The following GPHN variants were observed in gnomAD, a reference collection of about 807,000 sequenced individuals.
The protein encoded by GPHN is gephyrin.
In GPHN, 17 loss-of-function variants were observed where a neutral mutation model predicts 95.5. The ratio of observed to expected loss-of-function variants is 0.18; its 90% CI spans 0.12 to 0.27. The LOEUF (loss-of-function observed/expected upper bound fraction) is 0.27, where lower values mean the gene tolerates loss of function less well. Ranked by LOEUF, GPHN falls within the 10% of genes least tolerant of loss-of-function variation. GPHN has a pLI of 1.00. For synonymous variants in GPHN, 320 were observed against 322.5 expected, an observed-to-expected ratio of 0.99 and a Z score of 0.08; for missense variants, 660 against 978.1, an observed-to-expected ratio of 0.67 and a Z score of 4.34.
intron 1 of GPHN, among the ~76,000 whole-genome samples, chr14:66,569,064 T>C (rs2060570941): frequency 6.6e-6 from 1 of 152,158 alleles, no homozygotes; most frequent in African/African-American, 2.4e-5. Context: ...GTATATATTT[T>C]TATATTTGTG....
intron 12 of GPHN, among the ~76,000 whole-genome samples, chr14:67,095,808 T>G (rs28505098): frequency 4.0e-5 from 6 of 151,776 alleles, no homozygotes; most frequent in African/African-American, 1.2e-4. Flanking sequence ...AGGGATAGCA[T>G]TAGGAGATAT....
At chr14:67,391,358 G>A in the GPHN span, among the ~76,000 whole-genome samples, 1 of 150,070 alleles carries the variant, frequency 6.7e-6, no homozygotes, top group Admixed American at 6.6e-5. Flanking sequence ...ACAAACCTTA[G>A]CCCTCCTAGT....
chr14:67,283,958 G>T, the GPHN span, among the ~76,000 whole-genome samples: 7 of 152,274 alleles, frequency 4.6e-5, no homozygotes, highest in East Asian at 1.3e-3. Context: ...GGAAAGTAGG[G>T]ATAATAGAGT....
the GPHN span, among the ~76,000 whole-genome samples, chr14:67,246,562 A>C: frequency 6.6e-6 from 1 of 151,552 alleles, no homozygotes. Flanking sequence ...GCTGGTCTTG[A>C]GCAGCTGAGC....
the GPHN span, among the ~76,000 whole-genome samples, chr14:67,391,202 A>G: frequency 6.6e-6 from 1 of 152,052 alleles, no homozygotes. Flanking sequence ...CCACTTTCAC[A>G]TTGTGCATTA....
At chr14:67,445,574 A>ATTTTTTTTTT in the GPHN span, among the ~76,000 whole-genome samples, 3 of 98,670 alleles carry the variant, frequency 3.0e-5, no homozygotes, top group South Asian at 3.4e-4. Context: ...AAGAGAGGCA[A>ATTTTTTTTTT]TTCTTTTTTT....
At chr14:66,639,121 A>T (rs371376555) in intron 1 of GPHN, among the ~76,000 whole-genome samples, 1 of 146,060 alleles carries the variant, frequency 6.8e-6, no homozygotes, top group African/African-American at 2.6e-5. Context: ...ACTGAAGGTA[A>T]ATATATATAT....
At chr14:66,595,791 CCTT>C (rs137970444) in intron 1 of GPHN, among the ~76,000 whole-genome samples, 46,992 of 151,796 alleles carry the variant, frequency 0.31, 11,067 homozygotes, top group African/African-American at 0.63. Flanking sequence ...GCTCTTCTCT[CCTT>C]CTTGTCACCT....
the GPHN span, chr14:67,390,676 T>C: frequency 1.9e-6 from 3 of 1,612,116 alleles, no homozygotes; most frequent in Admixed American, 5.0e-5. Flanking sequence ...GGAAGGGTCA[T>C]AGTAATGCAG....
chr14:67,359,683 G>A, the GPHN span: 3 of 1,614,112 alleles, frequency 1.9e-6, no homozygotes, highest in Non-Finnish European at 2.5e-6. Flanking sequence ...ATTTCAATTC[G>A]GTCTTTGCCC....
At chr14:67,316,872 C>T in the GPHN span, 1 of 1,611,734 alleles carries the variant, frequency 6.2e-7, no homozygotes, top group Non-Finnish European at 8.5e-7. Flanking sequence ...TGAAACAAAC[C>T]ATAGAAGAAG....
At chr14:67,642,316 A>T in the GPHN span, 57 of 1,614,110 alleles carry the variant, frequency 3.5e-5, no homozygotes, top group Admixed American at 1.0e-4. Flanking sequence ...TGGTTAGCAG[A>T]GCTGTGTCAG....
chr14:67,245,202 A>G, the GPHN span, among the ~76,000 whole-genome samples: 60 of 152,256 alleles, frequency 3.9e-4, no homozygotes, highest in Non-Finnish European at 6.6e-4. Flanking sequence ...AATTTGTTAC[A>G]TTGGCATAGG....
chr14:67,057,958 GA>G (rs1013617599), intron 10 of GPHN, among the ~76,000 whole-genome samples: 5 of 152,072 alleles, frequency 3.3e-5, no homozygotes, highest in African/African-American at 1.2e-4. Flanking sequence ...TTTCTTCTCA[GA>G]AACTAAACAT....
chr14:67,350,495 T>C, the GPHN span: 26 of 779,950 alleles, frequency 3.3e-5, no homozygotes, highest in Non-Finnish European at 5.0e-5. Context: ...TTTCTTATTA[T>C]TACTATATCA....
At chr14:67,361,969 G>C in the GPHN span, among the ~76,000 whole-genome samples, 1 of 145,656 alleles carries the variant, frequency 6.9e-6, no homozygotes, top group Non-Finnish European at 1.5e-5. Context: ...TTGCTAGTTT[G>C]TTTCCCACTC....
At chr14:66,727,235 C>T (rs372188845) in intron 2 of GPHN, among the ~76,000 whole-genome samples, 41 of 152,104 alleles carry the variant, frequency 2.7e-4, no homozygotes, top group African/African-American at 5.1e-4. Context: ...TCCCCAGCCA[C>T]GTGGAACTCT....
At chr14:66,645,093 T>C (rs1373198307) in intron 1 of GPHN, among the ~76,000 whole-genome samples, 2 of 152,118 alleles carry the variant, frequency 1.3e-5, no homozygotes, top group South Asian at 2.1e-4. Context: ...TATATTTGTA[T>C]GTAATGAAGT....
intron 20 of GPHN, among the ~76,000 whole-genome samples, chr14:67,165,928 A>G (rs1281144256): frequency 1.3e-5 from 2 of 152,216 alleles, no homozygotes; most frequent in African/African-American, 2.4e-5. Context: ...ATCTTGATAA[A>G]TTTTAAAATA....
Sources: allele counts gnomAD v4.1 joint callset (sites outside exome capture counted in the v4.1 genomes callset), GRCh38; gene constraint gnomAD v4.1.1; transcripts MANE v1.5; gene names NCBI Gene and HGNC (gene_info 2026-07-23, HGNC 2026-07-21).